MTUS1: variants seen among roughly 807,000 people sequenced by gnomAD.
MTUS1 encodes microtubule associated scaffold protein 1.
MTUS1 carries 109 observed loss-of-function variants against 120.8 expected under a neutral mutation model. The observed-to-expected ratio is 0.90, with a 90% CI of 0.77 to 1.06. The LOEUF is 1.06. Ranked by LOEUF, MTUS1 falls within the 50% of genes least tolerant of loss-of-function variation. MTUS1 has a pLI of 0.00. For synonymous variants in MTUS1, 737 were observed against 550.5 expected (o/e 1.34, Z -4.74); for missense variants, 2,210 against 1,486.3 (o/e 1.49, Z -8.01).
chr8:17,660,714 A>G (rs1255841731), intron 8 of MTUS1, among the ~76,000 whole-genome samples: 1 of 152,198 alleles, frequency 6.6e-6, no homozygotes, highest in African/African-American at 2.4e-5. Flanking sequence ...ATTTTTTCAA[A>G]TATATGTAAC....
rs1403520220 is a variant in MTUS1, at chr8:17,753,995, T to A, written c.1813A>T (p.Thr605Ser). 8 of 1,614,124 alleles carry A rather than the reference T, an allele frequency of 5.0e-6. No homozygotes were observed. The Admixed American group carries it at 1.2e-4, about 24-fold the overall frequency. ...KNASHRVPRT[T>S]SAVKSNQEDV... ...TCCTGATTCGATTTCACGGCAGATG[T>A]TGTTCTTGGAACCCTGTGTGAAGCA... Residue 605 changes from threonine (T) to serine (S), a missense_variant, in exon 2 of 15, where the codon ACA (threonine) becomes TCA (serine). Coordinates refer to ENST00000693296, the MANE Select transcript of MTUS1 (RefSeq NM_001363059.2).
chr8:17,743,658 G>T lies in MTUS1; in HGVS notation c.2233C>A (p.Pro745Thr), dbSNP rs1350351512. Residue 745 changes from proline (P) to threonine (T), a missense_variant, in exon 3 of 15, where the codon CCC becomes ACC. Pro to Thr is a conservative substitution (Grantham distance 38). Coordinates refer to ENST00000693296, the MANE Select transcript of MTUS1 (RefSeq NM_001363059.2). The part of the protein sequence containing the change: ...CLRRNSDNRN[P>T]SADRAVSPQR... Reference sequence around the variant, plus strand: ...GGAGATACGGCTCGATCAGCACTGGGATTTCTATTGTCACTGTTCCGCCTC... The same window carrying T: ...GGAGATACGGCTCGATCAGCACTGGTATTTCTATTGTCACTGTTCCGCCTC... 1 of 1,614,142 alleles carries T rather than the reference G, an allele frequency of 6.2e-7. No homozygotes were observed. Among genetic ancestry groups the T allele is most frequent in the Admixed American group, 1.7e-5 (1 of 60,002 alleles).
intron 8 of MTUS1, among the ~76,000 whole-genome samples, chr8:17,665,922 C>G (rs911946695): frequency 1.3e-5 from 2 of 152,028 alleles, no homozygotes; most frequent in African/African-American, 2.4e-5. Context: ...TTCCACCCAG[C>G]CAGCCTGTCT....
At chr8:17,647,138 C>T in intron 13 of MTUS1, 59 bp from the exon 14 acceptor site, 1 of 1,311,438 alleles carries the variant, frequency 7.6e-7, no homozygotes, top group Non-Finnish European at 1.1e-6. Context: ...CCCCTCATTT[C>T]TTAAGGCACC....
chr8:17,711,355 G>A (rs1014313168), intron 6 of MTUS1, among the ~76,000 whole-genome samples: 5 of 152,290 alleles, frequency 3.3e-5, no homozygotes, highest in Non-Finnish European at 5.9e-5. Context: ...TGGATGACTC[G>A]CTGTAGCTTC....
At chr8:17,648,010 G>C (rs1050476268) in intron 13 of MTUS1, among the ~76,000 whole-genome samples, 1 of 152,158 alleles carries the variant, frequency 6.6e-6, no homozygotes, top group African/African-American at 2.4e-5. Context: ...TCCAGAAAAG[G>C]AGTCTACGTT....
chr8:17,797,351 T>A (rs537435323), intron 1 of MTUS1, among the ~76,000 whole-genome samples: 1 of 152,124 alleles, frequency 6.6e-6, no homozygotes, highest in Admixed American at 6.5e-5. Context: ...ACGTGAAGGC[T>A]GCAGTAAGCT....
intron 6 of MTUS1, among the ~76,000 whole-genome samples, chr8:17,709,970 G>C (rs1267033802): frequency 1.3e-5 from 2 of 151,462 alleles, no homozygotes; most frequent in African/African-American, 2.4e-5. Flanking sequence ...TCATGCCACT[G>C]CACTCCAGCC....
chr8:17,667,531 G>A (rs1220071517), intron 8 of MTUS1, among the ~76,000 whole-genome samples: 1 of 152,186 alleles, frequency 6.6e-6, no homozygotes, highest in Non-Finnish European at 1.5e-5. Context: ...TAGGCAATGT[G>A]TATACTGCTT....
intron 3 of MTUS1, among the ~76,000 whole-genome samples, chr8:17,730,536 C>A (rs1429634170): frequency 6.7e-6 from 1 of 149,744 alleles, no homozygotes; most frequent in Non-Finnish European, 1.5e-5. Context: ...ATCTGTACAA[C>A]CATCTTCACA....
intron 4 of MTUS1, among the ~76,000 whole-genome samples, chr8:17,720,685 G>C (rs1027084932): frequency 6.6e-6 from 1 of 152,128 alleles, no homozygotes; most frequent in African/African-American, 2.4e-5. Flanking sequence ...TTGCACAATA[G>C]TCCCCAAATC....
At chr8:17,656,916 G>A (rs1026045391) in intron 8 of MTUS1, among the ~76,000 whole-genome samples, 30 of 151,544 alleles carry the variant, frequency 2.0e-4, no homozygotes, top group Admixed American at 1.1e-3. Flanking sequence ...AAAATTAGCC[G>A]GGTGTGGTGG....
At chr8:17,733,753 T>C (rs970441054) in intron 3 of MTUS1, among the ~76,000 whole-genome samples, 50 of 152,324 alleles carry the variant, frequency 3.3e-4, no homozygotes, top group African/African-American at 1.1e-3. Context: ...TTTCACACCA[T>C]CATTACTGAC....
At chr8:17,787,733 A>G (rs2051424381) in intron 1 of MTUS1, among the ~76,000 whole-genome samples, 1 of 152,244 alleles carries the variant, frequency 6.6e-6, no homozygotes, top group Non-Finnish European at 1.5e-5. Context: ...ACAATTGTAC[A>G]TTGCTACTGT....
chr8:17,684,636 A>G, intron 6 of MTUS1, 94 bp from the exon 7 acceptor site: 1 of 957,880 alleles, frequency 1.0e-6, no homozygotes, highest in Non-Finnish European at 1.6e-6. Context: ...TAAGCCACAG[A>G]AATCCATTTA....
At position 17,754,340 on chromosome 8, in the gene MTUS1, T is replaced by C. The variant is rs766067467; in HGVS notation, c.1468A>G (p.Ile490Val). The change falls in exon 2 of 15, where the codon ATA becomes GTA. Residue 490 changes from isoleucine to valine, a missense_variant. Ile to Val is a conservative substitution (Grantham distance 29, BLOSUM62 3). Coordinates refer to ENST00000693296, the MANE Select transcript of MTUS1 (RefSeq NM_001363059.2). ...GKSTIKTNTP[I>V]GCKVRKTEII... is the part of the protein sequence containing the mutation. ...TCAGTTTTTCTAACTTTGCAGCCTATTGGGGTATTCGTTTTGATTGTTGAT... is the reference window on the plus strand; with the variant it reads ...TCAGTTTTTCTAACTTTGCAGCCTACTGGGGTATTCGTTTTGATTGTTGAT... The C allele has an allele frequency of 1.7e-5, 27 of 1,614,054 alleles. No individual in the cohort carries two copies. The highest frequency in any genetic ancestry group is 2.1e-5 in the Non-Finnish European group (25 of 1,180,036).
At chr8:17,752,771 G>A (rs2131328559) in intron 2 of MTUS1, among the ~76,000 whole-genome samples, 1 of 152,256 alleles carries the variant, frequency 6.6e-6, no homozygotes, top group East Asian at 1.9e-4. Context: ...CTGGCACTTA[G>A]CTCCCTTCCT....
intron 4 of MTUS1, chr8:17,722,386 CAAAG>C (rs775856772): frequency 5.4e-5 from 53 of 983,316 alleles, no homozygotes; most frequent in Non-Finnish European, 6.0e-5. Flanking sequence ...CTTTGCAAGA[CAAAG>C]AGAGCTTAAA....
chr8:17,650,351 G>A (rs898244315), intron 12 of MTUS1, among the ~76,000 whole-genome samples: 2 of 152,124 alleles, frequency 1.3e-5, no homozygotes, highest in African/African-American at 4.8e-5. Flanking sequence ...AAACTGATCA[G>A]GAAAGAAAAA....
Sources: gnomAD v4.1 joint callset for allele counts (sites outside exome capture counted in the v4.1 genomes callset) on GRCh38, gnomAD v4.1.1 for gene constraint, MANE v1.5 for transcripts, NCBI Gene and HGNC (gene_info 2026-07-23, HGNC 2026-07-21) for gene names.